The following NELL1 variants were observed in gnomAD, a reference collection of about 807,000 sequenced individuals.
The protein encoded by NELL1 is neural EGFL like 1.
A neutral mutation model predicts 107.4 loss-of-function variants in NELL1; 76 were observed. That is an observed-to-expected ratio of 0.71 (90% CI 0.59 to 0.86). The LOEUF is 0.86. NELL1 is among the 40% of genes least tolerant of loss of function. The pLI is 0.00. For missense variants in NELL1, 1,024 were observed against 1,005.5 expected (o/e 1.02, Z -0.25); for synonymous variants, 353 against 341.2 (o/e 1.03, Z -0.38).
rs79887384 is a variant in NELL1 at position 20,968,197 on chromosome 11, T to G, written c.1300+7637T>G. On this transcript the variant is annotated intron_variant, in intron 12 of 19. Transcript: ENST00000357134. ...TTGTAGCACTTATTCTTTGAAATTG[T>G]GTTGTTTTCTTATGTGTGTTTTTCT... is the stretch of plus-strand genomic sequence containing the variant. 5.7e-3 allele frequency among the ~76,000 whole-genome samples: 862 copies of G among 152,326 alleles called. 11 individuals carry two copies. The highest frequency in any genetic ancestry group is 0.02 in the African/African-American group (818 of 41,582).
chr11:21,506,594 T>G (rs557259738), intron 15 of NELL1, among the ~76,000 whole-genome samples: 20 of 152,270 alleles, frequency 1.3e-4, no homozygotes, highest in Admixed American at 1.3e-3. Context: ...GGGCCAACAA[T>G]TTATGTGGTT....
intron 5 of NELL1, among the ~76,000 whole-genome samples, chr11:20,905,298 C>CCAGT (rs1849970863): frequency 6.6e-6 from 1 of 152,032 alleles, no homozygotes; most frequent in East Asian, 1.9e-4. Context: ...TCAGCAAACC[C>CCAGT]CAGTAAAGGG....
intron 15 of NELL1, among the ~76,000 whole-genome samples, chr11:21,384,419 C>G (rs756229069): frequency 6.6e-5 from 10 of 150,778 alleles, no homozygotes; most frequent in Non-Finnish European, 1.5e-4. Flanking sequence ...CCATAATTGT[C>G]TTCTTGATTT....
intron 15 of NELL1, among the ~76,000 whole-genome samples, chr11:21,500,441 G>A (rs1312421407): frequency 6.6e-6 from 1 of 151,980 alleles, no homozygotes; most frequent in Non-Finnish European, 1.5e-5. Context: ...CAGGTTGTTA[G>A]CTCTCCGTGC....
At chr11:21,024,090 T>C (rs1183957594) in intron 12 of NELL1, among the ~76,000 whole-genome samples, 3 of 152,034 alleles carry the variant, frequency 2.0e-5, no homozygotes, top group Non-Finnish European at 4.4e-5. Flanking sequence ...CAATTCCTAT[T>C]CTTTATAGAG....
intron 15 of NELL1, among the ~76,000 whole-genome samples, chr11:21,403,005 T>C (rs753828697): frequency 2.0e-5 from 3 of 151,674 alleles, no homozygotes; most frequent in Non-Finnish European, 1.5e-5. Context: ...TCAATAACTG[T>C]AGGGAAGCCA....
Position 20,919,251 on chromosome 11 carries a change from G to T in NELL1, c.677-1G>T. The T allele has an allele frequency of 6.3e-7, 1 of 1,577,026 alleles. No homozygotes were observed. The highest frequency in any genetic ancestry group is 8.7e-7 in the Non-Finnish European group (1 of 1,153,850). ...ATATGTTTTATATTTTCTTTATTGA[G>T]CTTGCCCAACCTGCAGTGATTTCTT... On this transcript the variant is annotated splice_acceptor_variant, in intron 6 of 19. Transcript: ENST00000357134. LOFTEE classifies it high-confidence loss of function.
chr11:20,715,188 T>C (rs1855215939), intron 2 of NELL1, among the ~76,000 whole-genome samples: 1 of 151,658 alleles, frequency 6.6e-6, no homozygotes, highest in Admixed American at 6.6e-5. Context: ...GAGCTTGCAG[T>C]GAGTTGACAT....
chr11:20,671,958 C>T (rs1333430434), intron 1 of NELL1, among the ~76,000 whole-genome samples: 1 of 152,152 alleles, frequency 6.6e-6, no homozygotes, highest in East Asian at 1.9e-4. Flanking sequence ...GCAGATTCAG[C>T]AAAGGCAGGG....
chr11:21,170,112 C>T, intron 13 of NELL1: 1 of 785,390 alleles, frequency 1.3e-6, no homozygotes, highest in Non-Finnish European at 2.2e-6. Context: ...GAGGCAAAAC[C>T]ACCCTTCAGG....
intron 12 of NELL1, among the ~76,000 whole-genome samples, chr11:21,057,273 C>T (rs1853635657): frequency 6.6e-6 from 1 of 152,040 alleles, no homozygotes; most frequent in Non-Finnish European, 1.5e-5. Context: ...TGATTAGATG[C>T]ATTTTTCATC....
intron 13 of NELL1, among the ~76,000 whole-genome samples, chr11:21,156,508 C>T (rs1856238212): frequency 6.6e-6 from 1 of 151,946 alleles, no homozygotes; most frequent in African/African-American, 2.4e-5. Flanking sequence ...GTTTGAAGAG[C>T]AGGTGTAGTT....
At chr11:21,414,462 GAA>G (rs748511218) in intron 15 of NELL1, among the ~76,000 whole-genome samples, 17 of 151,998 alleles carry the variant, frequency 1.1e-4, no homozygotes, top group Non-Finnish European at 2.1e-4. Context: ...AGTGACCATA[GAA>G]AGTCTCTTCA....
chr11:20,836,944 G>A (rs962885389), intron 3 of NELL1, among the ~76,000 whole-genome samples: 1 of 152,050 alleles, frequency 6.6e-6, no homozygotes. Context: ...AAACCTCAAT[G>A]TGTACATATT....
At chr11:20,902,874 A>G (rs986320606) in intron 5 of NELL1, among the ~76,000 whole-genome samples, 1 of 152,106 alleles carries the variant, frequency 6.6e-6, no homozygotes, top group South Asian at 2.1e-4. Context: ...AATCATGTAT[A>G]TATTTCAAAA....
intron 13 of NELL1, among the ~76,000 whole-genome samples, chr11:21,146,419 C>T (rs980855617): frequency 6.6e-6 from 1 of 152,112 alleles, no homozygotes; most frequent in Non-Finnish European, 1.5e-5. Context: ...GTGCCAGAGG[C>T]CAGAGAGAGC....
intron 15 of NELL1, among the ~76,000 whole-genome samples, 161 bp from the exon 16 acceptor site, chr11:21,534,213 T>C (rs958539409): frequency 1.3e-5 from 2 of 152,216 alleles, no homozygotes; most frequent in African/African-American, 4.8e-5. Flanking sequence ...TTCATTTGAA[T>C]TCTGGAAAAT....
chr11:21,403,662 C>G (rs1756982438), intron 15 of NELL1, among the ~76,000 whole-genome samples: 1 of 150,586 alleles, frequency 6.6e-6, no homozygotes, highest in Admixed American at 6.6e-5. Flanking sequence ...TTGGATTAAA[C>G]AGCAGTAATA....
intron 14 of NELL1, among the ~76,000 whole-genome samples, chr11:21,325,743 A>G (rs551954788): frequency 6.6e-6 from 1 of 152,214 alleles, no homozygotes; most frequent in East Asian, 1.9e-4. Context: ...ATAAATTATT[A>G]CTATTATCTC....
Sources: allele counts gnomAD v4.1 joint callset (sites outside exome capture counted in the v4.1 genomes callset), GRCh38; gene constraint gnomAD v4.1.1; transcripts MANE v1.5; gene names NCBI Gene and HGNC (gene_info 2026-07-23, HGNC 2026-07-21).